Variants in DCT observed in about 807,000 individuals in gnomAD.
The protein encoded by DCT is L-dopachrome tautomerase.
In DCT, 47 loss-of-function variants were observed where a neutral mutation model predicts 53.0. The ratio of observed to expected loss-of-function variants is 0.89; its 90% CI spans 0.70 to 1.13. The LOEUF is 1.13. Ranked by LOEUF, DCT falls within the 50% of genes most tolerant of loss-of-function variation. The pLI is 0.00. For missense variants in DCT, 669 were observed against 637.4 expected (o/e 1.05, Z -0.53); for synonymous variants, 244 against 237.0 (o/e 1.03, Z -0.27).
At chr13:94,505,991 T>G in the DCT span, among the ~76,000 whole-genome samples, 1 of 152,212 alleles carries the variant, frequency 6.6e-6, no homozygotes, top group Non-Finnish European at 1.5e-5. Context: ...TTAGAAATGC[T>G]GGAGTTGAGA....
upstream of DCT, among the ~76,000 whole-genome samples, chr13:94,484,638 G>A (rs186481265): frequency 6.6e-6 from 1 of 152,178 alleles, no homozygotes; most frequent in Non-Finnish European, 1.5e-5. Context: ...TCCTCGGCTT[G>A]CAGAGAGCTT....
the DCT span, among the ~76,000 whole-genome samples, chr13:94,507,746 T>C: frequency 0.38 from 57,623 of 151,932 alleles, 11,391 homozygotes; most frequent in East Asian, 0.61. Context: ...GTGATCCACC[T>C]GCCTCGGCCT....
chr13:94,539,185 C>A, the DCT span, among the ~76,000 whole-genome samples: 2 of 152,166 alleles, frequency 1.3e-5, no homozygotes, highest in Non-Finnish European at 2.9e-5. Context: ...AGGAAGAAAG[C>A]ACACATTCAA....
chr13:94,481,588 C>G (rs917244323), upstream of DCT, among the ~76,000 whole-genome samples: 2 of 152,106 alleles, frequency 1.3e-5, no homozygotes, highest in Non-Finnish European at 1.5e-5. Context: ...AGGTCGAAGT[C>G]CTAGGATCTC....
chr13:94,503,816 C>T, the DCT span, among the ~76,000 whole-genome samples: 2 of 152,144 alleles, frequency 1.3e-5, no homozygotes, highest in Non-Finnish European at 2.9e-5. Context: ...TGACAGCAGC[C>T]CTAGAAAACT....
At chr13:94,460,981 T>C (rs553525357) in intron 5 of DCT, among the ~76,000 whole-genome samples, 23 of 152,258 alleles carry the variant, frequency 1.5e-4, no homozygotes, top group South Asian at 4.1e-4. Flanking sequence ...GACTCAAATG[T>C]AGAGGTTGTG....
At position 94,466,602 on chromosome 13, in the gene DCT, T is replaced by G; in HGVS notation, c.652A>C (p.Thr218Pro). The change falls in exon 3 of 8, where the codon ACC (threonine) becomes CCC (proline). Residue 218 changes from threonine to proline, a missense_variant. Transcript: ENST00000377028. ...CACAACAAATGGTACCGGTGCCAGG[T>G]AACAAATGCAGGTCCTTGATGTGAG... Reference protein sequence around the residue: ...DFSHQGPAFVTWHRYHLLCLE... With the variant: ...DFSHQGPAFVPWHRYHLLCLE... The G allele has an allele frequency of 1.2e-6, 2 of 1,612,360 alleles. No homozygotes were observed. Among genetic ancestry groups the G allele is most frequent in the Non-Finnish European group, 1.7e-6 (2 of 1,179,090 alleles).
rs773649452 is a variant in DCT at position 94,479,113 on chromosome 13, G to A, written c.143C>T (p.Ser48Leu). 4.3e-6 allele frequency: 7 copies of A among 1,614,144 alleles called. No individual in the cohort carries two copies. Among genetic ancestry groups the A allele is most frequent in the Non-Finnish European group, 5.9e-6 (7 of 1,180,022 alleles). ...TTGCTGAGAGCCACAGACATTGGCC[G>A]ACTCTGCACCCAGGCGTGGGCAGCA... ...KECCPRLGAE[S>L]ANVCGSQQGR... The change falls in exon 1 of 8, where the codon TCG (serine) becomes TTG (leucine). Residue 48 changes from serine (S) to leucine (L), a missense_variant. Transcript: ENST00000377028.
chr13:94,464,129 T>TC (rs1884000875), intron 4 of DCT, among the ~76,000 whole-genome samples: 1 of 152,336 alleles, frequency 6.6e-6, no homozygotes, highest in East Asian at 1.9e-4. Flanking sequence ...GCACTGATGA[T>TC]GTCCCTGCTC....
chr13:94,526,833 A>G, the DCT span, among the ~76,000 whole-genome samples: 1 of 152,146 alleles, frequency 6.6e-6, no homozygotes, highest in Non-Finnish European at 1.5e-5. Flanking sequence ...CTCACCCAGG[A>G]AACACCAGGG....
the DCT span, among the ~76,000 whole-genome samples, chr13:94,507,113 C>T: frequency 6.6e-6 from 1 of 152,140 alleles, no homozygotes; most frequent in East Asian, 1.9e-4. Context: ...AACTACATGG[C>T]ATGCCATGCT....
At chr13:94,519,934 T>A in the DCT span, among the ~76,000 whole-genome samples, 1 of 152,172 alleles carries the variant, frequency 6.6e-6, no homozygotes, top group Admixed American at 6.5e-5. Context: ...AGTTCTAAGG[T>A]GGCAATTAAG....
chr13:94,504,940 T>C, the DCT span, among the ~76,000 whole-genome samples: 3 of 152,022 alleles, frequency 2.0e-5, no homozygotes, highest in Non-Finnish European at 2.9e-5. Flanking sequence ...TGTGTTCACA[T>C]GTTCATCTTC....
In DCT at chr13:94,439,173, G is replaced by C. The variant is rs41275876; in HGVS notation, c.*725C>G. On this transcript the variant is annotated 3_prime_UTR_variant, in exon 8 of 8. Transcript: ENST00000377028. ...TAGAATCAATGTGTATCCAGCTATTGAATCCTGTAATATAGGTCTACTGTT... is the reference window on the plus strand; with the variant it reads ...TAGAATCAATGTGTATCCAGCTATTCAATCCTGTAATATAGGTCTACTGTT... 8.5e-3 allele frequency: 1,295 copies of C among 152,890 alleles called. 9 individuals are homozygous for C. Among genetic ancestry groups the C allele is most frequent in the Non-Finnish European group, 0.014 (928 of 68,560 alleles). The allele number at this position is 152,890 out of a possible 1,614,324, so 9.5% of individuals were successfully genotyped here.
chr13:94,452,420 G>A (rs1056401378), intron 6 of DCT, among the ~76,000 whole-genome samples: 2 of 152,200 alleles, frequency 1.3e-5, no homozygotes, highest in East Asian at 3.8e-4. Flanking sequence ...GAAAAAGTGT[G>A]ATGACACAGG....
the DCT span, among the ~76,000 whole-genome samples, chr13:94,526,643 T>C: frequency 6.6e-6 from 1 of 151,954 alleles, no homozygotes; most frequent in Non-Finnish European, 1.5e-5. Flanking sequence ...AATAAATAAA[T>C]AGGGGTGATT....
intron 1 of DCT, among the ~76,000 whole-genome samples, chr13:94,476,617 A>C (rs1885104528): frequency 6.6e-6 from 1 of 151,900 alleles, no homozygotes; most frequent in Non-Finnish European, 1.5e-5. Flanking sequence ...CTGGGATTAC[A>C]GGTGCCCATC....
At chr13:94,537,392 C>A in the DCT span, among the ~76,000 whole-genome samples, 1 of 152,172 alleles carries the variant, frequency 6.6e-6, no homozygotes, top group East Asian at 1.9e-4. Context: ...GAATGTCAAC[C>A]ATGTAATGTG....
the DCT span, among the ~76,000 whole-genome samples, chr13:94,531,419 C>T: frequency 6.6e-6 from 1 of 152,308 alleles, no homozygotes; most frequent in African/African-American, 2.4e-5. Context: ...ACCAAAACAG[C>T]ATGGTACTGG....
Sources: allele counts gnomAD v4.1 joint callset (sites outside exome capture counted in the v4.1 genomes callset), GRCh38; gene constraint gnomAD v4.1.1; transcripts MANE v1.5; gene names NCBI Gene and HGNC (gene_info 2026-07-23, HGNC 2026-07-21).